The following PCSK2 variants were observed in gnomAD, a reference collection of about 807,000 sequenced individuals.
PCSK2 encodes proprotein convertase subtilisin/kexin type 2, also known as neuroendocrine convertase 2.
PCSK2 carries 14 observed loss-of-function variants against 69.7 expected under a neutral mutation model. The ratio of observed to expected loss-of-function variants is 0.20; its 90% CI spans 0.13 to 0.31. PCSK2 has a LOEUF of 0.31. PCSK2 is among the 10% of genes least tolerant of loss of function. The pLI is 1.00. For synonymous variants in PCSK2, 307 were observed against 320.7 expected, an observed-to-expected ratio of 0.96 and a Z score of 0.46; for missense variants, 544 against 842.5, an observed-to-expected ratio of 0.65 and a Z score of 4.39.
At chr20:17,353,838 T>C (rs2030099491) in intron 2 of PCSK2, among the ~76,000 whole-genome samples, 1 of 152,188 alleles carries the variant, frequency 6.6e-6, no homozygotes, top group Non-Finnish European at 1.5e-5. Context: ...CAAAATCATG[T>C]CCTTTCCAGC....
intron 5 of PCSK2, among the ~76,000 whole-genome samples, chr20:17,400,488 G>A (rs1397892529): frequency 6.6e-6 from 1 of 152,002 alleles, no homozygotes; most frequent in Non-Finnish European, 1.5e-5. Context: ...ACATCATAAG[G>A]ATGAGTAATG....
intron 11 of PCSK2, among the ~76,000 whole-genome samples, chr20:17,468,838 C>T (rs1044787580): frequency 6.6e-6 from 1 of 152,266 alleles, no homozygotes; most frequent in African/African-American, 2.4e-5. Context: ...CCAGCATCCT[C>T]CCATGGACAA....
At chr20:17,425,447 C>A (rs2032226437) in intron 6 of PCSK2, among the ~76,000 whole-genome samples, 1 of 152,104 alleles carries the variant, frequency 6.6e-6, no homozygotes, top group Non-Finnish European at 1.5e-5. Context: ...TTGTACTGAT[C>A]CTTGTCACCC....
intron 5 of PCSK2, among the ~76,000 whole-genome samples, chr20:17,373,049 G>A (rs1200493124): frequency 4.6e-5 from 7 of 152,122 alleles, no homozygotes; most frequent in African/African-American, 1.7e-4. Context: ...TGGCTTGGAG[G>A]GATGAGCCAG....
chr20:17,408,702 T>A (rs1057187592), intron 5 of PCSK2, among the ~76,000 whole-genome samples: 4 of 152,216 alleles, frequency 2.6e-5, no homozygotes, highest in Non-Finnish European at 5.9e-5. Context: ...GGACTCTTAA[T>A]GATATTTGTT....
intron 5 of PCSK2, among the ~76,000 whole-genome samples, chr20:17,382,550 C>T (rs1178725670): frequency 6.6e-6 from 1 of 152,126 alleles, no homozygotes; most frequent in African/African-American, 2.4e-5. Flanking sequence ...ACTGCTGCTC[C>T]CTTCTTTTTC....
At chr20:17,292,272 T>C (rs1988722571) in intron 2 of PCSK2, among the ~76,000 whole-genome samples, 1 of 152,188 alleles carries the variant, frequency 6.6e-6, no homozygotes, top group Non-Finnish European at 1.5e-5. Context: ...TTTTAGTATG[T>C]AGTATTTTAA....
chr20:17,450,130 G>A (rs1053922457), intron 8 of PCSK2, among the ~76,000 whole-genome samples: 4 of 139,234 alleles, frequency 2.9e-5, no homozygotes, highest in Non-Finnish European at 3.0e-5. Flanking sequence ...TGGGGTTCAC[G>A]CCATTCTCTT....
At chr20:17,251,239 T>G (rs1986965888) in intron 1 of PCSK2, among the ~76,000 whole-genome samples, 1 of 152,212 alleles carries the variant, frequency 6.6e-6, no homozygotes, top group African/African-American at 2.4e-5. Context: ...ATTTTCTTCC[T>G]CTCCCCTCAC....
At chr20:17,245,325 T>C (rs906191185) in intron 1 of PCSK2, among the ~76,000 whole-genome samples, 1 of 152,242 alleles carries the variant, frequency 6.6e-6, no homozygotes, top group African/African-American at 2.4e-5. Flanking sequence ...TGGAATTTAA[T>C]AGGGTACCAA....
rs1568593449 is a variant in PCSK2 at position 17,303,470 on chromosome 20, ATT to A, written c.282+43127_282+43128del. On this transcript the variant is annotated intron_variant, in intron 2 of 11. Transcript: ENST00000262545. The stretch of plus-strand genomic sequence containing the variant: ...ATATATTATATTAAATATAATATAT[ATT>A]ATATATAATATATATTATATTTAAT... 7.9e-4 allele frequency among the ~76,000 whole-genome samples: 46 copies of A among 58,018 alleles called. 1 individual carries two copies. The highest frequency in any genetic ancestry group is 1.2e-3 in the Non-Finnish European group (34 of 28,558). 38.1% of individuals were successfully genotyped at this position (58,018 alleles called of 152,430 possible).
intron 2 of PCSK2, among the ~76,000 whole-genome samples, chr20:17,320,430 C>T (rs1989829194): frequency 6.6e-6 from 1 of 152,242 alleles, no homozygotes; most frequent in Admixed American, 6.5e-5. Context: ...CATGTCTCCC[C>T]TCCCTAGCCA....
In PCSK2 at chr20:17,465,392, C is replaced by T. The variant is rs146324303; in HGVS notation, c.1269C>T (p.His423=). The change falls in exon 11 of 12, where the codon CAC becomes CAT. Residue 423 remains histidine, a synonymous_variant. Coordinates refer to ENST00000262545, the MANE Select transcript of PCSK2 (RefSeq NM_002594.5). ...TCACCTCCAAACGGAACCAGCTTCA[C>T]GACGAGGTCCATCAGTGGCGGCGCA... is the stretch of plus-strand genomic sequence containing the variant. ...TVLTSKRNQL[H]DEVHQWRRNG... 3.6e-4 allele frequency: 576 copies of T among 1,614,176 alleles called. 4 individuals carry two copies. In the South Asian group the frequency reaches 5.3e-3, roughly 15 times the overall value.
intron 11 of PCSK2, among the ~76,000 whole-genome samples, chr20:17,468,874 C>G (rs1199984003): frequency 1.3e-5 from 2 of 152,280 alleles, no homozygotes; most frequent in Non-Finnish European, 2.9e-5. Context: ...TGAGCATCCT[C>G]ATTGTTTACT....
Position 17,338,446 on chromosome 20 carries a change from C to T in PCSK2, c.283-19881C>T, listed in dbSNP as rs6044743. Among the ~76,000 whole-genome samples, 17 of 152,156 alleles carry T rather than the reference C, an allele frequency of 1.1e-4. No individual in the cohort carries two copies. In the South Asian group the frequency reaches 2.3e-3, roughly 20 times the overall value. On this transcript the variant is annotated intron_variant, in intron 2 of 11. Coordinates refer to ENST00000262545, the MANE Select transcript of PCSK2 (RefSeq NM_002594.5). ...TCCTGACCTTTTGATCCACCCATGT[C>T]GGCCTCCCAAAGTGCTGAGATTACC...
chr20:17,404,713 G>A (rs2031716130), intron 5 of PCSK2, among the ~76,000 whole-genome samples: 1 of 152,218 alleles, frequency 6.6e-6, no homozygotes, highest in Non-Finnish European at 1.5e-5. Flanking sequence ...GATCTGCCTA[G>A]AAAGACAAAG....
intron 8 of PCSK2, among the ~76,000 whole-genome samples, chr20:17,447,525 A>G (rs2032723445): frequency 6.6e-6 from 1 of 152,238 alleles, no homozygotes; most frequent in African/African-American, 2.4e-5. Flanking sequence ...TAGAGTTCTC[A>G]TGCACTGCTG....
intron 2 of PCSK2, among the ~76,000 whole-genome samples, chr20:17,288,147 C>T (rs546045180): frequency 1.8e-4 from 28 of 152,324 alleles, no homozygotes; most frequent in South Asian, 1.0e-3. Context: ...CTTCCAGGAA[C>T]GGACAACTCT....
At chr20:17,354,268 A>C (rs2030118986) in intron 2 of PCSK2, among the ~76,000 whole-genome samples, 1 of 152,162 alleles carries the variant, frequency 6.6e-6, no homozygotes. Context: ...CAACGGTCCT[A>C]TTTGAGGAAG....
Sources: allele counts gnomAD v4.1 joint callset (sites outside exome capture counted in the v4.1 genomes callset), GRCh38; gene constraint gnomAD v4.1.1; transcripts MANE v1.5; gene names NCBI Gene and HGNC (gene_info 2026-07-23, HGNC 2026-07-21).